Variants in NTN1 observed in about 807,000 individuals in gnomAD.
The protein encoded by NTN1 is netrin 1.
Under a neutral mutation model 54.2 loss-of-function variants are expected in NTN1, and 11 were observed. The observed-to-expected ratio is 0.20, with a 90% CI of 0.13 to 0.34. The LOEUF is 0.34. NTN1 is among the 10% of genes least tolerant of loss of function. NTN1 has a pLI of 1.00. For missense variants in NTN1, 740 were observed against 893.1 expected, an observed-to-expected ratio of 0.83 and a Z score of 2.18; for synonymous variants, 371 against 382.0, an observed-to-expected ratio of 0.97 and a Z score of 0.33.
In NTN1 at chr17:9,239,295, C is replaced by A. The variant is rs1906102661; in HGVS notation, c.1487-345C>A. On this transcript the variant is annotated intron_variant, in intron 6 of 6. Coordinates refer to ENST00000173229, the MANE Select transcript of NTN1 (RefSeq NM_004822.3). The surrounding 1 kb of genome is among the most constrained non-coding windows in gnomAD (Gnocchi z 5.2). ...CCTCTCCCCGCCAGCACTGCTCTCA[C>A]CCGAGCGCCTGCCCTGGGCAGACAG... Among the ~76,000 whole-genome samples, 1 of 152,180 alleles carries A rather than the reference C, an allele frequency of 6.6e-6. No individual in the cohort carries two copies. Among genetic ancestry groups the A allele is most frequent in the Non-Finnish European group, 1.5e-5 (1 of 68,030 alleles).
chr17:9,017,611 T>C (rs887922592), upstream of NTN1, among the ~76,000 whole-genome samples: 1 of 152,226 alleles, frequency 6.6e-6, no homozygotes, highest in Non-Finnish European at 1.5e-5. Flanking sequence ...GGTAAGACAG[T>C]GTGCCAGGAA....
rs1338164685 is a variant in NTN1 at position 9,239,570 on chromosome 17, C to CA, written c.1487-70_1487-69insA. ...GGGCTGGGTCTCCTTTCCCTTCTCC[C>CA]CAGGCTCAGGCAGGGCGGACCTAGC... On this transcript the variant is annotated intron_variant, in intron 6 of 6. Transcript: ENST00000173229. This position sits in a 1 kb window ranked among gnomAD's most constrained non-coding sequence, Gnocchi z 5.2. The CA allele has an allele frequency of 6.7e-7, 1 of 1,499,762 alleles. No homozygotes were observed. The highest frequency in any genetic ancestry group is 9.1e-7 in the Non-Finnish European group (1 of 1,093,918). 92.9% of individuals were successfully genotyped at this position (1,499,762 alleles called of 1,614,324 possible). A position where few individuals can be genotyped will look rare whatever the true frequency, so the allele number is the denominator to read the frequency against.
intron 2 of NTN1, among the ~76,000 whole-genome samples, chr17:9,101,180 A>G (rs1036393173): frequency 6.6e-6 from 1 of 152,198 alleles, no homozygotes; most frequent in African/African-American, 2.4e-5. Flanking sequence ...CCCATCTTCC[A>G]TGTCTGCGAC....
At chr17:9,027,524 A>G (rs2091875149) in intron 2 of NTN1, among the ~76,000 whole-genome samples, 1 of 152,126 alleles carries the variant, frequency 6.6e-6, no homozygotes, top group Non-Finnish European at 1.5e-5. Context: ...GGATGGGTGG[A>G]TGGAAGAATG....
At chr17:9,201,346 G>A (rs1345169601) in intron 5 of NTN1, among the ~76,000 whole-genome samples, 1 of 152,176 alleles carries the variant, frequency 6.6e-6, no homozygotes, top group African/African-American at 2.4e-5. Flanking sequence ...AACTTACTGT[G>A]TGGCTCAAGG....
At chr17:9,137,822 G>T (rs542597922) in intron 2 of NTN1, among the ~76,000 whole-genome samples, 1 of 152,274 alleles carries the variant, frequency 6.6e-6, no homozygotes, top group East Asian at 1.9e-4. Context: ...CTGTTGACGG[G>T]CATCTTGGGT....
Position 9,243,818 on chromosome 17 carries a change from A to ATGGT in NTN1, c.*3852_*3855dup, listed in dbSNP as rs1906315120. ...CCTTTCCAATGCATACTAATATATT[A>ATGGT]TGGTTATTATATATGAATATATTTA... On this transcript the variant is annotated 3_prime_UTR_variant, in exon 7 of 7. Coordinates refer to ENST00000173229, the MANE Select transcript of NTN1 (RefSeq NM_004822.3). 1 of 138,906 alleles carries ATGGT rather than the reference A, an allele frequency of 7.2e-6. No individual in the cohort carries two copies. The highest frequency in any genetic ancestry group is 1.5e-5 in the Non-Finnish European group (1 of 65,876). The allele number at this position is 138,906 out of a possible 1,614,324, so 8.6% of individuals were successfully genotyped here.
At chr17:9,117,488 G>A (rs1426748775) in intron 2 of NTN1, among the ~76,000 whole-genome samples, 1 of 152,182 alleles carries the variant, frequency 6.6e-6, no homozygotes, top group Admixed American at 6.5e-5. Flanking sequence ...GGGTGCGGTG[G>A]CTCACGCAGT....
chr17:9,067,885 C>T (rs923944516), intron 2 of NTN1, among the ~76,000 whole-genome samples: 1 of 152,214 alleles, frequency 6.6e-6, no homozygotes, highest in Non-Finnish European at 1.5e-5. Flanking sequence ...CTGGTGCAAA[C>T]TCACACATTA....
At chr17:9,049,865 T>G (rs2091954099) in intron 2 of NTN1, among the ~76,000 whole-genome samples, 1 of 152,218 alleles carries the variant, frequency 6.6e-6, no homozygotes, top group Non-Finnish European at 1.5e-5. Flanking sequence ...GAGAGTAATA[T>G]CTGGGGGAAA....
chr17:9,192,159 T>A (rs139982577), intron 5 of NTN1, among the ~76,000 whole-genome samples: 2 of 152,302 alleles, frequency 1.3e-5, no homozygotes, highest in Non-Finnish European at 2.9e-5. Flanking sequence ...CATGACCCCA[T>A]CAGTTCAATT....
chr17:9,143,603 A>G (rs1190481348), intron 2 of NTN1, among the ~76,000 whole-genome samples: 2 of 152,186 alleles, frequency 1.3e-5, no homozygotes, highest in Non-Finnish European at 2.9e-5. Context: ...CCTGGTGACA[A>G]CTGTTTTGGC....
intron 2 of NTN1, among the ~76,000 whole-genome samples, chr17:9,035,920 G>A (rs534975896): frequency 1.3e-5 from 2 of 152,356 alleles, no homozygotes; most frequent in African/African-American, 4.8e-5. Context: ...TACTTGGGAA[G>A]CTGAGGCATG....
chr17:9,161,607 A>G (rs1473650393), intron 2 of NTN1, among the ~76,000 whole-genome samples: 1 of 152,034 alleles, frequency 6.6e-6, no homozygotes, highest in Non-Finnish European at 1.5e-5. Flanking sequence ...GTGAAACCCC[A>G]TCTCTACTAA....
the NTN1 span, among the ~76,000 whole-genome samples, chr17:9,008,405 G>T: frequency 4.0e-3 from 614 of 152,188 alleles, 2 homozygotes; most frequent in South Asian, 0.02. Context: ...TGCAACCTCG[G>T]CCTCCTGGGT....
chr17:9,093,734 G>A (rs1021141188), intron 2 of NTN1, among the ~76,000 whole-genome samples: 2 of 152,182 alleles, frequency 1.3e-5, no homozygotes, highest in African/African-American at 4.8e-5. Flanking sequence ...AGCACTTTGG[G>A]AAGCCGAGGC....
Position 9,023,014 on chromosome 17 carries a change from C to T in NTN1, c.641C>T (p.Ser214Leu), listed in dbSNP as rs372642681. 32 of 1,603,864 alleles carry T rather than the reference C, an allele frequency of 2.0e-5. No homozygotes were observed. The highest frequency in any genetic ancestry group is 5.4e-5 in the African/African-American group (4 of 74,662). Residue 214 changes from serine (S) to leucine (L), a missense_variant, in exon 2 of 7, where the codon TCG becomes TTG. By Grantham distance (145) the Ser-to-Leu change is moderately radical (BLOSUM62 -2). Transcript: ENST00000173229. ...TDSHTDMRPL[S>L]GGLIAFSTLD... is the part of the protein sequence containing the mutation. ...TCGCACACCGACATGCGCCCGCTCT[C>T]GGGCGGCCTCATCGCCTTCAGCACG...
chr17:9,129,957 C>G (rs2092259332), intron 2 of NTN1, among the ~76,000 whole-genome samples: 1 of 152,164 alleles, frequency 6.6e-6, no homozygotes, highest in Non-Finnish European at 1.5e-5. Context: ...CTCTACCAGC[C>G]TCCCAGGCAT....
chr17:9,064,449 C>T (rs1454917395), intron 2 of NTN1, among the ~76,000 whole-genome samples: 1 of 152,178 alleles, frequency 6.6e-6, no homozygotes, highest in Non-Finnish European at 1.5e-5. Context: ...CTCACTTCTG[C>T]GTCGATGCCT....
Sources: gnomAD v4.1 joint callset for allele counts (sites outside exome capture counted in the v4.1 genomes callset) on GRCh38, gnomAD v4.1.1 for gene constraint, Gnocchi (gnomAD v3.1) non-coding constraint, MANE v1.5 for transcripts, NCBI Gene and HGNC (gene_info 2026-07-23, HGNC 2026-07-21) for gene names.